DYTN: variants seen among roughly 807,000 people sequenced by gnomAD.
DYTN encodes dystrotelin.
A neutral mutation model predicts 69.6 loss-of-function variants in DYTN; 75 were observed. That is an observed-to-expected ratio of 1.08 (90% CI 0.89 to 1.31). DYTN has a LOEUF of 1.31. Ranked by LOEUF, DYTN falls within the 50% of genes most tolerant of loss-of-function variation. The probability of loss-of-function intolerance (pLI) is 0.00; values close to 1 mark genes in which losing one functional copy is unlikely to be tolerated. For missense variants in DYTN, 726 were observed against 688.4 expected, an observed-to-expected ratio of 1.05 and a Z score of -0.61; for synonymous variants, 252 against 249.1, an observed-to-expected ratio of 1.01 and a Z score of -0.11.
chr2:206,699,794 C>G lies in DYTN; in HGVS notation c.652G>C (p.Ala218Pro), dbSNP rs1335666102. 3.1e-6 allele frequency: 5 copies of G among 1,613,724 alleles called. No homozygotes were observed. The highest frequency in any genetic ancestry group is 4.2e-6 in the Non-Finnish European group (5 of 1,179,836). ...LWLPTCHRLS[A>P]AERVTHPARC... ...GCAGGGTGAGTGACCCTTTCAGCAGCTGATAACCGGTGGCAGGTCGGGAGC... is the reference window on the plus strand; with the variant it reads ...GCAGGGTGAGTGACCCTTTCAGCAGGTGATAACCGGTGGCAGGTCGGGAGC... The change falls in exon 7 of 12, where the codon GCT becomes CCT. Residue 218 changes from alanine to proline, a missense_variant. Ala to Pro is a conservative substitution (Grantham distance 27). Transcript: ENST00000452335.
At chr2:206,685,708 A>C (rs914032520) in intron 9 of DYTN, among the ~76,000 whole-genome samples, 15 of 152,006 alleles carry the variant, frequency 9.9e-5, no homozygotes, top group Admixed American at 7.2e-4. Flanking sequence ...GCCTTCACCC[A>C]CCCACCCTGG....
At chr2:206,711,029 A>C (rs1201813038) in intron 1 of DYTN, among the ~76,000 whole-genome samples, 2 of 152,234 alleles carry the variant, frequency 1.3e-5, no homozygotes, top group Non-Finnish European at 2.9e-5. Flanking sequence ...TTGAGCCCTT[A>C]GTATATGGCC....
chr2:206,708,395 T>C (rs930673197), intron 2 of DYTN, among the ~76,000 whole-genome samples: 5 of 152,198 alleles, frequency 3.3e-5, no homozygotes, highest in Non-Finnish European at 7.3e-5. Context: ...AAACCCTGGG[T>C]TTCTCTCTAC....
In DYTN at chr2:206,704,912, C is replaced by G. The variant is rs749429198; in HGVS notation, c.414G>C (p.Arg138Ser). 3 of 1,613,774 alleles carry G rather than the reference C, an allele frequency of 1.9e-6. 1 individual carries two copies. Among genetic ancestry groups the G allele is most frequent in the South Asian group, 2.2e-5 (2 of 91,028 alleles). ...TGCGTGGCCCAGAATCATAGCCTCCCCTGCTATTTTCTGCATAGAGTTGAA... is the reference window on the plus strand; with the variant it reads ...TGCGTGGCCCAGAATCATAGCCTCCGCTGCTATTTTCTGCATAGAGTTGAA... The part of the protein sequence containing the change: ...ALFQLYAENS[R>S]GGYDSGPRMT... Residue 138 changes from arginine to serine, a missense_variant, in exon 5 of 12, where the codon AGG becomes AGC. Transcript: ENST00000452335.
chr2:206,707,372 C>A lies in DYTN; in HGVS notation c.226G>T (p.Glu76Ter). Residue 76 changes from glutamate to a stop codon, truncating the protein, a stop_gained, in exon 3 of 12, where the codon GAA becomes TAA. Transcript: ENST00000452335. LOFTEE classifies it high-confidence loss of function. The part of the protein sequence containing the change: ...LQELFQKARE[E>*]NPGQVHPRAP... ...CTGGGATGCACTTGTCCTGGGTTTT[C>A]CTCCCTGGCCTTCTGAAACAGCTCT... is the stretch of plus-strand genomic sequence containing the variant. 1 of 1,612,918 alleles carries A rather than the reference C, an allele frequency of 6.2e-7. No individual in the cohort carries two copies. The highest frequency in any genetic ancestry group is 8.5e-7 in the Non-Finnish European group (1 of 1,179,580).
intron 9 of DYTN, among the ~76,000 whole-genome samples, chr2:206,676,539 T>C (rs1353397637): frequency 6.6e-6 from 1 of 152,180 alleles, no homozygotes; most frequent in African/African-American, 2.4e-5. Flanking sequence ...GGTACATGTA[T>C]ATCTGCACGT....
At chr2:206,652,039 G>C (rs1054833143) in intron 11 of DYTN, 118 bp from the exon 12 acceptor site, 1 of 880,354 alleles carries the variant, frequency 1.1e-6, no homozygotes, top group Admixed American at 2.9e-5. Flanking sequence ...AGTTCTCAAG[G>C]ACAATGTCCT....
intron 9 of DYTN, among the ~76,000 whole-genome samples, chr2:206,688,386 C>T (rs185525038): frequency 3.3e-5 from 5 of 152,178 alleles, no homozygotes; most frequent in Admixed American, 6.5e-5. Flanking sequence ...AATTCAGTAC[C>T]GTGCTTTGGG....
chr2:206,671,570 C>G (rs1177252066), intron 9 of DYTN, among the ~76,000 whole-genome samples: 1 of 152,172 alleles, frequency 6.6e-6, no homozygotes, highest in Admixed American at 6.5e-5. Flanking sequence ...ACTGTACTCT[C>G]ATAAGCCATT....
chr2:206,703,099 G>T (rs931990906), intron 5 of DYTN, among the ~76,000 whole-genome samples: 1 of 152,160 alleles, frequency 6.6e-6, no homozygotes, highest in African/African-American at 2.4e-5. Flanking sequence ...TGCCTGGGGT[G>T]CGGGTAGGGG....
Position 206,718,309 on chromosome 2 carries a change from A to T in DYTN, c.-30T>A. The T allele has an allele frequency of 6.2e-7, 1 of 1,600,022 alleles. No homozygotes were observed. The highest frequency in any genetic ancestry group is 2.2e-5 in the East Asian group (1 of 44,508). On this transcript the variant is annotated 5_prime_UTR_variant, in exon 1 of 12. Transcript: ENST00000452335. ...CAAATTTCCTGGAATGACAGATGGC[A>T]AGTGGGTCCCTGTAACTAGAAATGA...
chr2:206,711,117 C>G (rs959676464), intron 1 of DYTN, among the ~76,000 whole-genome samples: 1 of 152,166 alleles, frequency 6.6e-6, no homozygotes, highest in African/African-American at 2.4e-5. Context: ...AGCTTAACTT[C>G]TAGTACCAAC....
chr2:206,717,441 A>C (rs2105904616), intron 1 of DYTN, among the ~76,000 whole-genome samples: 1 of 152,316 alleles, frequency 6.6e-6, no homozygotes, highest in Non-Finnish European at 1.5e-5. Context: ...TCCCAGACCC[A>C]CGGAATCACA....
chr2:206,699,200 G>A (rs1249163710), intron 7 of DYTN, among the ~76,000 whole-genome samples: 1 of 152,186 alleles, frequency 6.6e-6, no homozygotes, highest in African/African-American at 2.4e-5. Flanking sequence ...TTGGGAGGCT[G>A]AGGCAGGAGG....
At chr2:206,670,585 A>G (rs2105890517) in intron 9 of DYTN, 1 of 152,304 alleles carries the variant, frequency 6.6e-6, no homozygotes, top group Non-Finnish European at 1.5e-5. Context: ...AAATAAAAAA[A>G]TAAGTTTTTG....
intron 9 of DYTN, among the ~76,000 whole-genome samples, chr2:206,679,697 GATAA>G (rs1699729287): frequency 2.0e-5 from 3 of 152,090 alleles, no homozygotes; most frequent in African/African-American, 7.2e-5. Context: ...CTAAAGAACA[GATAA>G]ATATAGAATC....
chr2:206,694,458 C>G (rs1168665942), intron 8 of DYTN, among the ~76,000 whole-genome samples: 1 of 152,110 alleles, frequency 6.6e-6, no homozygotes, highest in Non-Finnish European at 1.5e-5. Context: ...CCATCTGTAC[C>G]CATTTCCAGT....
At chr2:206,716,584 C>T (rs1013517612) in intron 1 of DYTN, among the ~76,000 whole-genome samples, 1 of 151,802 alleles carries the variant, frequency 6.6e-6, no homozygotes, top group East Asian at 1.9e-4. Context: ...TTTAAAAATG[C>T]TTAGTTTTCA....
intron 11 of DYTN, among the ~76,000 whole-genome samples, chr2:206,659,484 C>CAAAAAAAAAAAAAAAAAA (rs772861150): frequency 1.5e-5 from 1 of 64,592 alleles, no homozygotes; most frequent in African/African-American, 5.7e-5. Context: ...CAACAATTCT[C>CAAAAAAAAAAAAAAAAAA]AAAAAAAAAA....
Sources: allele counts gnomAD v4.1 joint callset (sites outside exome capture counted in the v4.1 genomes callset), GRCh38; gene constraint gnomAD v4.1.1; transcripts MANE v1.5; gene names NCBI Gene and HGNC (gene_info 2026-07-23, HGNC 2026-07-21).